The following VAV2 variants were observed in gnomAD, a reference collection of about 807,000 sequenced individuals.
VAV2 encodes the protein vav guanine nucleotide exchange factor 2, also known as guanine nucleotide exchange factor VAV2.
Under a neutral mutation model 132.5 loss-of-function variants are expected in VAV2, and 67 were observed. The ratio of observed to expected loss-of-function variants is 0.51; its 90% CI spans 0.42 to 0.62. The LOEUF (loss-of-function observed/expected upper bound fraction) is 0.62. Ranked by LOEUF, VAV2 falls within the 20% of genes least tolerant of loss-of-function variation. The pLI, the probability that VAV2 is intolerant of heterozygous loss-of-function variation, is 0.00. For missense variants in VAV2, 938 were observed against 1,153.6 expected, an observed-to-expected ratio of 0.81 and a Z score of 2.71; for synonymous variants, 492 against 443.5, an observed-to-expected ratio of 1.11 and a Z score of -1.37.
chr9:133,906,262 A>C (rs986554423), intron 2 of VAV2, among the ~76,000 whole-genome samples: 1 of 152,202 alleles, frequency 6.6e-6, no homozygotes, highest in African/African-American at 2.4e-5. Flanking sequence ...TGCCCAAGAC[A>C]GTGATGGAAA....
At chr9:133,902,395 A>C (rs1245553340) in intron 2 of VAV2, among the ~76,000 whole-genome samples, 3 of 152,190 alleles carry the variant, frequency 2.0e-5, no homozygotes, top group Non-Finnish European at 4.4e-5. Context: ...GGGCTACCAC[A>C]TCCCCAGATT....
At chr9:133,897,188 G>C (rs1839244035) in intron 2 of VAV2, among the ~76,000 whole-genome samples, 1 of 152,168 alleles carries the variant, frequency 6.6e-6, no homozygotes, top group Admixed American at 6.5e-5. Flanking sequence ...GGTTATTGCT[G>C]AAGGACGCGG....
At position 133,789,249 on chromosome 9, in the gene VAV2, C is replaced by T; in HGVS notation, c.1274+9G>A. On this transcript the variant is annotated intron_variant, in intron 14 of 29. Coordinates refer to ENST00000371850, the MANE Select transcript of VAV2 (RefSeq NM_001134398.2). Reference sequence around the variant, plus strand: ...ACGCCACCCAGCCCACAACACGCGCCCTGCTCACCTGTCCTGCTTGGTGTG... The same window carrying T: ...ACGCCACCCAGCCCACAACACGCGCTCTGCTCACCTGTCCTGCTTGGTGTG... 6.2e-7 allele frequency: 1 copy of T among 1,613,802 alleles called. No homozygotes were observed. Among genetic ancestry groups the T allele is most frequent in the South Asian group, 1.1e-5 (1 of 91,060 alleles).
chr9:133,899,457 G>A (rs991335212), intron 2 of VAV2, among the ~76,000 whole-genome samples: 2 of 151,744 alleles, frequency 1.3e-5, no homozygotes, highest in African/African-American at 4.8e-5. Context: ...CACCCAGGCT[G>A]GAGTCCTATA....
rs546848961 is a variant in VAV2 at position 133,934,661 on chromosome 9, C to T, written c.321+4442G>A. Among the ~76,000 whole-genome samples, 44 of 152,358 alleles carry T rather than the reference C, an allele frequency of 2.9e-4. No homozygotes were observed. The South Asian group carries it at 8.5e-3, about 29-fold the overall frequency. On this transcript the variant is annotated intron_variant, in intron 2 of 29. Coordinates refer to ENST00000371850, the MANE Select transcript of VAV2 (RefSeq NM_001134398.2). ...AAGACTTGCCCCACAGGTTCTCAGG[C>T]CTTTGGCCTTAGACTGAAGATCACA...
rs1224890479 is a variant in VAV2, at chr9:133,840,823, G to A, written c.381-6483C>T. Among the ~76,000 whole-genome samples the A allele has an allele frequency of 6.6e-6, 1 of 152,146 alleles. No homozygotes were observed. Among genetic ancestry groups the A allele is most frequent in the Non-Finnish European group, 1.5e-5 (1 of 68,034 alleles). On this transcript the variant is annotated intron_variant, in intron 3 of 29. Coordinates refer to ENST00000371850, the MANE Select transcript of VAV2 (RefSeq NM_001134398.2). This position sits in a 1 kb window ranked among gnomAD's most constrained non-coding sequence, Gnocchi z 4.5. The stretch of plus-strand genomic sequence containing the variant: ...TCTGTGAAAATCTGCTAGAAACGAT[G>A]GCGTCTGCAGGGCACCACCTGTGCC...
At chr9:133,890,543 C>A (rs1838892606) in intron 2 of VAV2, among the ~76,000 whole-genome samples, 1 of 152,158 alleles carries the variant, frequency 6.6e-6, no homozygotes, top group African/African-American at 2.4e-5. Flanking sequence ...CCTAGAGTCC[C>A]TCTCCCCTTT....
intron 3 of VAV2, among the ~76,000 whole-genome samples, chr9:133,838,187 C>G (rs1588247908): frequency 6.6e-6 from 1 of 152,034 alleles, no homozygotes; most frequent in East Asian, 1.9e-4. Context: ...CTGCTCTGCT[C>G]TCTGCCTTTA....
At chr9:133,962,807 T>C (rs1842008251) in intron 1 of VAV2, among the ~76,000 whole-genome samples, 1 of 152,206 alleles carries the variant, frequency 6.6e-6, no homozygotes, top group Non-Finnish European at 1.5e-5. Flanking sequence ...AACTTTCCCT[T>C]TTATGTTATT....
rs548997220 is a variant in VAV2, at chr9:133,790,019, C to A, written c.1189-676G>T. On this transcript the variant is annotated intron_variant, in intron 13 of 29. Transcript: ENST00000371850. ...TCCAAGGTCTCAGCCCCAGAGGCTG[C>A]AAGGACAGCTTTGGTGTCACATAGT... Among the ~76,000 whole-genome samples the A allele has an allele frequency of 6.6e-5, 10 of 152,334 alleles. No individual in the cohort carries two copies. The South Asian group carries it at 2.1e-3, about 32-fold the overall frequency.
intron 3 of VAV2, among the ~76,000 whole-genome samples, chr9:133,844,162 G>T (rs1195279502): frequency 6.6e-6 from 1 of 152,220 alleles, no homozygotes; most frequent in African/African-American, 2.4e-5. Context: ...GGGAGAGGAA[G>T]GGGCCTGGCG....
intron 29 of VAV2, among the ~76,000 whole-genome samples, chr9:133,767,788 G>A (rs1242840729): frequency 1.3e-5 from 2 of 152,222 alleles, no homozygotes; most frequent in Non-Finnish European, 2.9e-5. Context: ...AGCTCACAGA[G>A]AAAGCTGGGC....
intron 2 of VAV2, among the ~76,000 whole-genome samples, chr9:133,907,200 C>T (rs73662338): frequency 0.074 from 11,218 of 152,252 alleles, 928 homozygotes; most frequent in African/African-American, 0.2. Context: ...CAGACACATG[C>T]GGCCCCAGCA....
chr9:133,850,293 C>T (rs1231807003), intron 3 of VAV2, among the ~76,000 whole-genome samples: 1 of 152,200 alleles, frequency 6.6e-6, no homozygotes, highest in East Asian at 1.9e-4. Context: ...GGACCCACCA[C>T]GCCCTACCCT....
Position 133,882,817 on chromosome 9 carries a change from C to T in VAV2, c.322-21385G>A, listed in dbSNP as rs536344463. The stretch of plus-strand genomic sequence containing the variant: ...AAATGTCATAAGGTGACCCCTGGGG[C>T]CCCTGAACCCCTGCAGCAGAGGCAG... On this transcript the variant is annotated intron_variant, in intron 2 of 29. Coordinates refer to ENST00000371850, the MANE Select transcript of VAV2 (RefSeq NM_001134398.2). 1.7e-3 allele frequency among the ~76,000 whole-genome samples: 258 copies of T among 152,068 alleles called. 1 individual carries two copies. Among genetic ancestry groups the T allele is most frequent in the Admixed American group, 2.9e-3 (44 of 15,270 alleles).
At chr9:133,881,358 G>A (rs1260435691) in intron 2 of VAV2, among the ~76,000 whole-genome samples, 1 of 152,246 alleles carries the variant, frequency 6.6e-6, no homozygotes. Context: ...GTGAGACGGG[G>A]CTTGTGAACA....
At chr9:133,891,278 GT>G (rs1838921966) in intron 2 of VAV2, among the ~76,000 whole-genome samples, 1 of 136,904 alleles carries the variant, frequency 7.3e-6, no homozygotes. Context: ...GGGGAGGGTG[GT>G]GGGGAGGGAT....
At chr9:133,985,316 C>CT (rs1190201354) in intron 1 of VAV2, among the ~76,000 whole-genome samples, 1 of 151,956 alleles carries the variant, frequency 6.6e-6, no homozygotes, top group East Asian at 1.9e-4. Context: ...GAGTCTCACT[C>CT]TGTCACCCAG....
At chr9:133,908,218 G>T (rs145976693) in intron 2 of VAV2, among the ~76,000 whole-genome samples, 1 of 151,838 alleles carries the variant, frequency 6.6e-6, no homozygotes, top group Non-Finnish European at 1.5e-5. Context: ...TAGTCCTTGC[G>T]GCCACTTAAA....
Sources: gnomAD v4.1 joint callset for allele counts (sites outside exome capture counted in the v4.1 genomes callset) on GRCh38, gnomAD v4.1.1 for gene constraint, Gnocchi (gnomAD v3.1) non-coding constraint, MANE v1.5 for transcripts, NCBI Gene and HGNC (gene_info 2026-07-23, HGNC 2026-07-21) for gene names.